Variants in B4GALT6 observed in about 807,000 individuals in gnomAD.
B4GALT6 encodes the protein beta-1,4-galactosyltransferase 6, also known as UDP-Gal:beta-GlcNAc beta-1,4-galactosyltransferase 6.
Under a neutral mutation model 46.3 loss-of-function variants are expected in B4GALT6, and 14 were observed. That is an observed-to-expected ratio of 0.30 (90% CI 0.20 to 0.47). The LOEUF is 0.47. B4GALT6 is among the 20% of genes least tolerant of loss of function. The pLI, the probability that B4GALT6 is intolerant of heterozygous loss-of-function variation, is 0.99. For synonymous variants in B4GALT6, 168 were observed against 162.0 expected (o/e 1.04, Z -0.28); for missense variants, 386 against 480.1 (o/e 0.80, Z 1.83).
chr18:31,679,376 G>C (rs1195201454), intron 1 of B4GALT6, among the ~76,000 whole-genome samples: 2 of 152,172 alleles, frequency 1.3e-5, no homozygotes, highest in Admixed American at 1.3e-4. Flanking sequence ...ATGCTACTTA[G>C]GAATGGCAAT....
At chr18:31,681,968 TA>T (rs1262842649) in intron 1 of B4GALT6, among the ~76,000 whole-genome samples, 1 of 152,190 alleles carries the variant, frequency 6.6e-6, no homozygotes, top group Non-Finnish European at 1.5e-5. Context: ...ATACATCGAA[TA>T]AAAACTAGTT....
At chr18:31,632,263 T>A (rs980979309) in intron 5 of B4GALT6, among the ~76,000 whole-genome samples, 5 of 152,184 alleles carry the variant, frequency 3.3e-5, no homozygotes, top group African/African-American at 1.2e-4. Context: ...AGTCATTTTA[T>A]TTTTTACAGC....
At chr18:31,656,716 T>G (rs1345414721) in intron 3 of B4GALT6, among the ~76,000 whole-genome samples, 4 of 152,050 alleles carry the variant, frequency 2.6e-5, no homozygotes, top group Non-Finnish European at 5.9e-5. Context: ...AGGTCATAAT[T>G]TTAAACTTCC....
Position 31,684,450 on chromosome 18 carries a change from C to G in B4GALT6, c.-24G>C. On this transcript the variant is annotated 5_prime_UTR_variant, in exon 1 of 9. Transcript: ENST00000306851. The stretch of plus-strand genomic sequence containing the variant: ...ATCTTCCTCTTCCCTGCCAGCAGCC[C>G]AGGCTGCGCTCTCAGGCCGGACTCG... 6.2e-7 allele frequency: 1 copy of G among 1,610,504 alleles called. No homozygotes were observed. The highest frequency in any genetic ancestry group is 8.5e-7 in the Non-Finnish European group (1 of 1,178,242).
At chr18:31,717,765 A>C in the B4GALT6 span, among the ~76,000 whole-genome samples, 1 of 151,820 alleles carries the variant, frequency 6.6e-6, no homozygotes, top group Non-Finnish European at 1.5e-5. Context: ...GACCAGCCTG[A>C]CCAACATGGA....
the B4GALT6 span, among the ~76,000 whole-genome samples, chr18:31,693,259 A>G: frequency 2.0e-5 from 3 of 152,194 alleles, no homozygotes; most frequent in African/African-American, 7.2e-5. Flanking sequence ...CACTCAGCTC[A>G]GGATGGTTTG....
In B4GALT6 at chr18:31,625,490, G is replaced by A; in HGVS notation, c.*124C>T. The A allele has an allele frequency of 1.9e-6, 2 of 1,051,022 alleles. No individual in the cohort carries two copies. Among genetic ancestry groups the A allele is most frequent in the Non-Finnish European group, 2.9e-6 (2 of 700,094 alleles). 65.1% of individuals were successfully genotyped at this position (1,051,022 alleles called of 1,614,324 possible). ...TATAGTCCCACTCTGTAAACACTGT[G>A]GACTGCTGGCTCTTCTCAGAGAAAA... On this transcript the variant is annotated 3_prime_UTR_variant, in exon 9 of 9. Transcript: ENST00000306851.
chr18:31,658,112 A>AC (rs764374296), intron 2 of B4GALT6, 23 bp from the exon 3 acceptor site: 16 of 1,402,848 alleles, frequency 1.1e-5, no homozygotes, highest in Non-Finnish European at 1.5e-5. Context: ...GAAAAGAGTT[A>AC]CAAAAAAAAA....
chr18:31,720,539 T>A, the B4GALT6 span, among the ~76,000 whole-genome samples: 3 of 152,284 alleles, frequency 2.0e-5, no homozygotes, highest in Non-Finnish European at 4.4e-5. Context: ...ACCAGGGAGT[T>A]CCCAAAAGGA....
At chr18:31,662,642 C>A (rs1053545585) in intron 2 of B4GALT6, among the ~76,000 whole-genome samples, 1 of 152,122 alleles carries the variant, frequency 6.6e-6, no homozygotes, top group Non-Finnish European at 1.5e-5. Flanking sequence ...GAGATCAAGA[C>A]CATCCTGGCT....
intron 4 of B4GALT6, among the ~76,000 whole-genome samples, chr18:31,640,503 CT>C (rs2144558442): frequency 6.6e-6 from 1 of 152,258 alleles, no homozygotes; most frequent in Admixed American, 6.5e-5. Flanking sequence ...TCCCTTAATG[CT>C]GATGGGATAG....
At chr18:31,654,330 T>C (rs2074112727) in intron 3 of B4GALT6, among the ~76,000 whole-genome samples, 2 of 152,344 alleles carry the variant, frequency 1.3e-5, no homozygotes, top group South Asian at 2.1e-4. Flanking sequence ...TTTTTAGCCT[T>C]AGACAAGGTG....
At chr18:31,630,060 G>A (rs1293599241) in intron 6 of B4GALT6, among the ~76,000 whole-genome samples, 2 of 141,012 alleles carry the variant, frequency 1.4e-5, no homozygotes, top group Non-Finnish European at 1.5e-5. Flanking sequence ...AAGAAGGGGG[G>A]AGGGGGAAGA....
the B4GALT6 span, among the ~76,000 whole-genome samples, chr18:31,713,327 G>A: frequency 1.1e-4 from 17 of 152,264 alleles, no homozygotes; most frequent in African/African-American, 3.4e-4. Context: ...ACTCCAGCCC[G>A]GGCAATAGCG....
intron 1 of B4GALT6, 145 bp from the exon 2 acceptor site, chr18:31,666,517 A>G: frequency 2.5e-6 from 1 of 400,286 alleles, no homozygotes; most frequent in Non-Finnish European, 4.4e-6. Context: ...AATATAAAAT[A>G]TTGCCTACTA....
intron 5 of B4GALT6, among the ~76,000 whole-genome samples, chr18:31,634,914 A>G (rs1442721451): frequency 2.0e-5 from 3 of 152,196 alleles, no homozygotes; most frequent in African/African-American, 7.2e-5. Flanking sequence ...CACATACACC[A>G]AATAACTGGT....
At chr18:31,717,959 A>G in the B4GALT6 span, among the ~76,000 whole-genome samples, 6 of 151,824 alleles carry the variant, frequency 4.0e-5, no homozygotes, top group Admixed American at 3.9e-4. Context: ...CGTCTCAAAA[A>G]AAAAAAAAAA....
chr18:31,643,211 C>A (rs552679354), intron 4 of B4GALT6, among the ~76,000 whole-genome samples: 107 of 152,222 alleles, frequency 7.0e-4, no homozygotes, highest in African/African-American at 2.1e-3. Flanking sequence ...TCCTTTCATA[C>A]CTTTAGTTGT....
intron 2 of B4GALT6, among the ~76,000 whole-genome samples, chr18:31,666,004 T>C (rs2074278044): frequency 6.6e-6 from 1 of 152,262 alleles, no homozygotes; most frequent in Admixed American, 6.5e-5. Flanking sequence ...AAGTAGAAGC[T>C]GCTTTCTATA....
Sources: allele counts gnomAD v4.1 joint callset (sites outside exome capture counted in the v4.1 genomes callset), GRCh38; gene constraint gnomAD v4.1.1; transcripts MANE v1.5; gene names NCBI Gene and HGNC (gene_info 2026-07-23, HGNC 2026-07-21).